Variants in DRC8 observed in about 807,000 individuals in gnomAD.
The protein encoded by DRC8 is dynein regulatory complex protein 8.
the DRC8 span, among the ~76,000 whole-genome samples, chr1:244,978,745 C>T: frequency 1.3e-5 from 2 of 152,172 alleles, no homozygotes; most frequent in African/African-American, 2.4e-5. Flanking sequence ...CCACCTTGGC[C>T]TCCCAAAGTG....
chr1:245,121,578 A>C, the DRC8 span, among the ~76,000 whole-genome samples: 3 of 152,238 alleles, frequency 2.0e-5, no homozygotes, highest in Non-Finnish European at 4.4e-5. Context: ...TGATCAGCCA[A>C]GTCCCTGTTG....
the DRC8 span, among the ~76,000 whole-genome samples, chr1:244,977,566 G>A: frequency 6.6e-6 from 1 of 152,076 alleles, no homozygotes; most frequent in African/African-American, 2.4e-5. Flanking sequence ...GGTTCCCTCT[G>A]TTGGCTTTGG....
the DRC8 span, among the ~76,000 whole-genome samples, chr1:245,107,706 C>G: frequency 6.6e-6 from 1 of 152,194 alleles, no homozygotes; most frequent in African/African-American, 2.4e-5. Flanking sequence ...GGTTTCCAGG[C>G]AATCACAGCC....
At chr1:245,085,460 C>T in the DRC8 span, among the ~76,000 whole-genome samples, 2 of 152,034 alleles carry the variant, frequency 1.3e-5, no homozygotes, top group African/African-American at 2.4e-5. Flanking sequence ...GAGACATTAT[C>T]GATGTGTAAA....
chr1:245,061,926 T>C, the DRC8 span, among the ~76,000 whole-genome samples: 1 of 152,100 alleles, frequency 6.6e-6, no homozygotes, highest in Non-Finnish European at 1.5e-5. Flanking sequence ...GCCAACATGG[T>C]GAAGTCCTGT....
the DRC8 span, among the ~76,000 whole-genome samples, chr1:245,012,267 C>T: frequency 1.3e-5 from 2 of 151,698 alleles, no homozygotes; most frequent in Non-Finnish European, 2.9e-5. Context: ...TAAGTTTTAC[C>T]TATTTCAAAA....
the DRC8 span, chr1:245,091,436 G>A: frequency 5.3e-5 from 8 of 152,248 alleles, no homozygotes; most frequent in Non-Finnish European, 8.8e-5. Context: ...ACAGTCTGGT[G>A]AATGAACCCT....
the DRC8 span, among the ~76,000 whole-genome samples, chr1:245,072,467 G>A: frequency 6.7e-3 from 1,026 of 152,116 alleles, 10 homozygotes; most frequent in African/African-American, 0.023. Context: ...CAAACTCCTG[G>A]CCTCAAGTGA....
the DRC8 span, among the ~76,000 whole-genome samples, chr1:245,064,098 G>T: frequency 6.6e-6 from 1 of 152,188 alleles, no homozygotes; most frequent in South Asian, 2.1e-4. Flanking sequence ...GTCTGGAAGA[G>T]CTGTAATGCG....
chr1:245,020,621 T>C, the DRC8 span, among the ~76,000 whole-genome samples: 3 of 139,236 alleles, frequency 2.2e-5, no homozygotes, highest in African/African-American at 8.1e-5. Context: ...TTCTTTTTTT[T>C]TTTTTTTTTT....
chr1:245,012,181 T>C, the DRC8 span, among the ~76,000 whole-genome samples: 2 of 152,168 alleles, frequency 1.3e-5, no homozygotes, highest in Admixed American at 6.5e-5. Context: ...TTTTAAAATA[T>C]GCAAATAAAG....
chr1:244,983,169 A>G, the DRC8 span, among the ~76,000 whole-genome samples: 175 of 152,320 alleles, frequency 1.1e-3, no homozygotes, highest in African/African-American at 3.9e-3. Flanking sequence ...ATTTCTAACA[A>G]GTTACCACAG....
the DRC8 span, among the ~76,000 whole-genome samples, chr1:244,978,871 T>TA: frequency 6.6e-6 from 1 of 152,180 alleles, no homozygotes; most frequent in East Asian, 1.9e-4. Flanking sequence ...CCTTTTTTTT[T>TA]ATTCTTTTTA....
chr1:245,055,091 T>C, the DRC8 span, among the ~76,000 whole-genome samples: 2 of 152,098 alleles, frequency 1.3e-5, no homozygotes, highest in Non-Finnish European at 2.9e-5. Flanking sequence ...ACTGCTTTTA[T>C]AGCAAGCAGG....
At chr1:245,035,926 C>T in the DRC8 span, among the ~76,000 whole-genome samples, 10 of 150,964 alleles carry the variant, frequency 6.6e-5, no homozygotes, top group African/African-American at 9.7e-5. Flanking sequence ...GAGCTAAAAT[C>T]GTAAGACCCT....
At chr1:244,969,915 G>A in the DRC8 span, 1 of 441,966 alleles carries the variant, frequency 2.3e-6, no homozygotes, top group Non-Finnish European at 4.0e-6. Context: ...GCCGGGCCGC[G>A]GGCTGGTTCT....
the DRC8 span, among the ~76,000 whole-genome samples, chr1:245,089,561 G>A: frequency 6.6e-6 from 1 of 151,684 alleles, no homozygotes; most frequent in Non-Finnish European, 1.5e-5. The surrounding 1 kb of genome is among the most constrained non-coding windows in gnomAD (Gnocchi z 4.8). Flanking sequence ...GAGAGGAGAG[G>A]GAAGTTAAAG....
the DRC8 span, chr1:245,087,284 C>T: frequency 1.2e-6 from 2 of 1,610,928 alleles, no homozygotes; most frequent in Admixed American, 3.4e-5. Context: ...GAAATGTTGT[C>T]TGCTGCAATT....
chr1:245,085,198 A>G, the DRC8 span, among the ~76,000 whole-genome samples: 1 of 152,370 alleles, frequency 6.6e-6, no homozygotes, highest in Admixed American at 6.5e-5. Flanking sequence ...AATTCACAAT[A>G]CAAGACAATA....
Sources: gnomAD v4.1 joint callset for allele counts (sites outside exome capture counted in the v4.1 genomes callset) on GRCh38, gnomAD v4.1.1 for gene constraint, Gnocchi (gnomAD v3.1) non-coding constraint, MANE v1.5 for transcripts, NCBI Gene and HGNC (gene_info 2026-07-23, HGNC 2026-07-21) for gene names.